ERC2: variants seen among roughly 807,000 people sequenced by gnomAD.
ERC2 encodes the protein ERC protein 2.
In ERC2, 42 loss-of-function variants were observed where a neutral mutation model predicts 114.8. The ratio of observed to expected loss-of-function variants is 0.37; its 90% confidence interval spans 0.29 to 0.47. ERC2 has a LOEUF of 0.47. Ranked by LOEUF, ERC2 falls within the 20% of genes least tolerant of loss-of-function variation. ERC2 has a pLI of 0.99. For synonymous variants in ERC2, 454 were observed against 425.5 expected (o/e 1.07, Z -0.82); for missense variants, 939 against 1,150.7 (o/e 0.82, Z 2.66).
chr3:56,465,025 T>C (rs1178225523), intron 1 of ERC2, among the ~76,000 whole-genome samples: 1 of 152,214 alleles, frequency 6.6e-6, no homozygotes, highest in African/African-American at 2.4e-5. Flanking sequence ...AGGATACCTG[T>C]TTTGGCAAAC....
chr3:55,800,286 G>C (rs944641715), intron 14 of ERC2, among the ~76,000 whole-genome samples: 3 of 152,068 alleles, frequency 2.0e-5, no homozygotes, highest in African/African-American at 7.2e-5. Flanking sequence ...TGGGATTACA[G>C]GCACGTGCTA....
chr3:56,040,947 C>T (rs904267810), intron 7 of ERC2, among the ~76,000 whole-genome samples: 2 of 151,624 alleles, frequency 1.3e-5, no homozygotes, highest in African/African-American at 4.8e-5. Flanking sequence ...TCCACTCTAC[C>T]GTTGAGTCCT....
intron 14 of ERC2, among the ~76,000 whole-genome samples, chr3:55,882,814 C>T (rs2063174497): frequency 6.6e-6 from 1 of 152,178 alleles, no homozygotes; most frequent in African/African-American, 2.4e-5. Context: ...CAAGGCTCTC[C>T]TTTTGAATCA....
intron 14 of ERC2, among the ~76,000 whole-genome samples, chr3:55,864,156 C>T (rs1355602015): frequency 3.4e-5 from 4 of 116,130 alleles, no homozygotes; most frequent in Admixed American, 8.2e-5. Context: ...TATATATATA[C>T]ACATATATAT....
chr3:56,429,753 T>G (rs139106670), intron 2 of ERC2, among the ~76,000 whole-genome samples: 1,524 of 152,220 alleles, frequency 0.01, 24 homozygotes, highest in African/African-American at 0.035. Flanking sequence ...AGGGGTGGCA[T>G]ATCCATCCAA....
At chr3:55,994,142 A>G (rs2071299908) in intron 10 of ERC2, among the ~76,000 whole-genome samples, 1 of 152,226 alleles carries the variant, frequency 6.6e-6, no homozygotes, top group South Asian at 2.1e-4. Flanking sequence ...GCAGTTAAAA[A>G]CCTTTTCATG....
intron 14 of ERC2, among the ~76,000 whole-genome samples, chr3:55,864,154 T>TACACATATATATACACATATATATATAC (rs1559783081): frequency 1.8e-5 from 2 of 111,994 alleles, no homozygotes; most frequent in African/African-American, 8.4e-5. Flanking sequence ...TATATATATA[T>TACACATATATATACACATATATATATAC]ACACATATAT....
chr3:55,721,040 G>A (rs1028133114), intron 15 of ERC2, among the ~76,000 whole-genome samples: 4 of 152,204 alleles, frequency 2.6e-5, no homozygotes, highest in Non-Finnish European at 4.4e-5. Context: ...GAGTCAATGA[G>A]CAATCTTTGG....
intron 14 of ERC2, among the ~76,000 whole-genome samples, chr3:55,767,407 G>A (rs1236153375): frequency 6.6e-6 from 1 of 152,124 alleles, no homozygotes; most frequent in Non-Finnish European, 1.5e-5. Context: ...AGTTTCCACT[G>A]GCCGTCTTAA....
At position 56,284,145 on chromosome 3, in the gene ERC2, T is replaced by A. The variant is rs1220338392; in HGVS notation, c.1074+11874A>T. 3.3e-5 allele frequency among the ~76,000 whole-genome samples: 5 copies of A among 152,158 alleles called. No individual in the cohort carries two copies. The East Asian group carries it at 9.6e-4, about 29-fold the overall frequency. The stretch of plus-strand genomic sequence containing the variant: ...GAAAAAACTCAAGTTTAGAGAAGAT[T>A]TGGGGTGAGTGGTGTAGGTGAACAA... On this transcript the variant is annotated intron_variant, in intron 3 of 17. Coordinates refer to ENST00000288221, the MANE Select transcript of ERC2 (RefSeq NM_015576.3).
intron 17 of ERC2, among the ~76,000 whole-genome samples, chr3:55,589,667 G>A (rs986317217): frequency 1.1e-4 from 16 of 152,214 alleles, no homozygotes; most frequent in Admixed American, 2.0e-4. Flanking sequence ...AGCAGAACTC[G>A]TGGACAGAGG....
At chr3:56,204,351 T>C (rs952055076) in intron 3 of ERC2, among the ~76,000 whole-genome samples, 1 of 152,152 alleles carries the variant, frequency 6.6e-6, no homozygotes, top group African/African-American at 2.4e-5. Flanking sequence ...GTGGGTTGGA[T>C]GCATGATTTA....
At chr3:56,287,029 G>C (rs147369392) in intron 3 of ERC2, among the ~76,000 whole-genome samples, 1 of 152,068 alleles carries the variant, frequency 6.6e-6, no homozygotes, top group African/African-American at 2.4e-5. Context: ...CCTTTTTAGC[G>C]CTCTATCCGA....
intron 14 of ERC2, among the ~76,000 whole-genome samples, chr3:55,742,108 A>C (rs1039676644): frequency 1.6e-4 from 24 of 152,000 alleles, no homozygotes; most frequent in Admixed American, 8.5e-4. Context: ...AAAAAAAAAA[A>C]CAAAACCTTC....
chr3:56,189,072 T>C lies in ERC2; in HGVS notation c.1075-15552A>G, dbSNP rs7618200. Among the ~76,000 whole-genome samples the C allele has an allele frequency of 3.4e-3, 511 of 152,088 alleles. 1 individual carries two copies. The highest frequency in any genetic ancestry group is 0.012 in the African/African-American group (488 of 41,480). On this transcript the variant is annotated intron_variant, in intron 3 of 17. Coordinates refer to ENST00000288221, the MANE Select transcript of ERC2 (RefSeq NM_015576.3). Reference sequence around the variant, plus strand: ...CCCAGTTTTCAGGAGGAAACCAGAGTCTTGAAGAGGTTAATGGAGCAGCCT... The same window carrying C: ...CCCAGTTTTCAGGAGGAAACCAGAGCCTTGAAGAGGTTAATGGAGCAGCCT...
intron 10 of ERC2, among the ~76,000 whole-genome samples, chr3:56,003,293 G>A (rs533560579): frequency 6.6e-5 from 10 of 152,104 alleles, no homozygotes; most frequent in Non-Finnish European, 1.3e-4. Flanking sequence ...CAGTGAAAGC[G>A]AGATGCTCTA....
At chr3:55,570,622 G>A (rs142691517) in intron 17 of ERC2, among the ~76,000 whole-genome samples, 43 of 152,250 alleles carry the variant, frequency 2.8e-4, no homozygotes, top group African/African-American at 9.4e-4. Flanking sequence ...CATGCCCGGG[G>A]AAGAACAGAT....
chr3:56,322,326 C>T (rs1053261373), intron 2 of ERC2, among the ~76,000 whole-genome samples: 1 of 152,200 alleles, frequency 6.6e-6, no homozygotes, highest in African/African-American at 2.4e-5. Context: ...TCCTCCCATC[C>T]TATCCAGATA....
chr3:55,933,086 G>A (rs2066208795), intron 13 of ERC2, among the ~76,000 whole-genome samples: 1 of 152,162 alleles, frequency 6.6e-6, no homozygotes, highest in Non-Finnish European at 1.5e-5. Flanking sequence ...GTGAGTGCCT[G>A]TAATCCCACC....
Sources: allele counts gnomAD v4.1 joint callset (sites outside exome capture counted in the v4.1 genomes callset), GRCh38; gene constraint gnomAD v4.1.1; transcripts MANE v1.5; gene names NCBI Gene and HGNC (gene_info 2026-07-23, HGNC 2026-07-21).